Variants in CDK6 observed in about 807,000 individuals in gnomAD.
CDK6 encodes cyclin dependent kinase 6.
In CDK6, 6 loss-of-function variants were observed where a neutral mutation model predicts 37.1. The ratio of observed to expected loss-of-function variants is 0.16; its 90% CI spans 0.09 to 0.32. The LOEUF (loss-of-function observed/expected upper bound fraction) is 0.32, where lower values mean the gene tolerates loss of function less well. CDK6 is among the 10% of genes least tolerant of loss of function. CDK6 has a pLI of 1.00. For synonymous variants in CDK6, 160 were observed against 161.3 expected, an observed-to-expected ratio of 0.99 and a Z score of 0.06; for missense variants, 224 against 418.9, an observed-to-expected ratio of 0.53 and a Z score of 4.06.
At chr7:92,664,790 C>CTT in intron 5 of CDK6, among the ~76,000 whole-genome samples, 1 of 144,226 alleles carries the variant, frequency 6.9e-6, no homozygotes, top group South Asian at 2.2e-4. Flanking sequence ...TTTTTTCTTC[C>CTT]TTTTTTTTTT....
intron 4 of CDK6, among the ~76,000 whole-genome samples, chr7:92,719,628 G>A (rs1585426901): frequency 6.6e-6 from 1 of 152,170 alleles, no homozygotes; most frequent in South Asian, 2.1e-4. Flanking sequence ...ATGGTACAAA[G>A]AGGAATGTTT....
At chr7:92,740,137 G>C (rs944124807) in intron 3 of CDK6, among the ~76,000 whole-genome samples, 1 of 152,180 alleles carries the variant, frequency 6.6e-6, no homozygotes, top group Non-Finnish European at 1.5e-5. Context: ...GTAAAACTTA[G>C]ATTGTTACCT....
intron 3 of CDK6, among the ~76,000 whole-genome samples, chr7:92,764,859 A>AT (rs1393743494): frequency 3.3e-5 from 5 of 152,230 alleles, no homozygotes; most frequent in Non-Finnish European, 7.3e-5. Flanking sequence ...ACTATCTCAG[A>AT]TAACTGATGG....
In CDK6 at chr7:92,614,641, T is replaced by C. The variant is rs1056641534; in HGVS notation, c.*499A>G. On this transcript the variant is annotated 3_prime_UTR_variant, in exon 8 of 8. Coordinates refer to ENST00000424848, the MANE Select transcript of CDK6 (RefSeq NM_001145306.2). Reference sequence around the variant, plus strand: ...ACCACCTTGAGTCTTTAAAATTGAATTATTCTTGTCGTTTACAAAAAGTAA... The same window carrying C: ...ACCACCTTGAGTCTTTAAAATTGAACTATTCTTGTCGTTTACAAAAAGTAA... 6.0e-5 allele frequency: 14 copies of C among 234,236 alleles called. No individual in the cohort carries two copies. The highest frequency in any genetic ancestry group is 1.0e-4 in the Non-Finnish European group (12 of 118,676). The allele number at this position is 234,236 out of a possible 1,614,324, so 14.5% of individuals were successfully genotyped here.
intron 4 of CDK6, among the ~76,000 whole-genome samples, chr7:92,687,794 T>C (rs1006616911): frequency 7.9e-5 from 12 of 152,112 alleles, no homozygotes; most frequent in Non-Finnish European, 1.2e-4. Context: ...CCACAGAAGG[T>C]CCTCTTGTAT....
At chr7:92,643,674 G>A (rs1032866487) in intron 5 of CDK6, among the ~76,000 whole-genome samples, 2 of 152,076 alleles carry the variant, frequency 1.3e-5, no homozygotes, top group East Asian at 1.9e-4. Flanking sequence ...ACTCTTCAAG[G>A]GAGCTTTATG....
chr7:92,606,519 T>G lies in CDK6; in HGVS notation c.*8621A>C, dbSNP rs747997981. The G allele has an allele frequency of 1.4e-4, 32 of 233,330 alleles. No individual in the cohort carries two copies. The Middle Eastern group carries it at 3.8e-3, about 28-fold the overall frequency. The allele number at this position is 233,330 out of a possible 1,614,324, so 14.5% of individuals were successfully genotyped here. A position where few individuals can be genotyped will look rare whatever the true frequency, so the allele number is the denominator to read the frequency against. On this transcript the variant is annotated 3_prime_UTR_variant, in exon 8 of 8. Coordinates refer to ENST00000424848, the MANE Select transcript of CDK6 (RefSeq NM_001145306.2). ...GGACAGAGATGTAGAGGTGTGGGGA[T>G]GTTGGTCATCTTGGGCTGGTTCACA...
rs1262062250 is a variant in CDK6, at chr7:92,611,696, T to A, written c.*3444A>T. 3 of 229,304 alleles carry A rather than the reference T, an allele frequency of 1.3e-5. No individual in the cohort carries two copies. The East Asian group carries it at 1.9e-4, about 14-fold the overall frequency. 14.2% of individuals were successfully genotyped at this position (229,304 alleles called of 1,614,324 possible). A position where few individuals can be genotyped will look rare whatever the true frequency, so the allele number is the denominator to read the frequency against. ...TAGTACATTCTGGAGAGTCAAACTATACATTTCTCTATAGAAAAGAAACAT... is the reference window on the plus strand; with the variant it reads ...TAGTACATTCTGGAGAGTCAAACTAAACATTTCTCTATAGAAAAGAAACAT... On this transcript the variant is annotated 3_prime_UTR_variant, in exon 8 of 8. Coordinates refer to ENST00000424848, the MANE Select transcript of CDK6 (RefSeq NM_001145306.2).
At position 92,623,057 on chromosome 7, in the gene CDK6, T is replaced by C; in HGVS notation, c.677A>G (p.Asp226Gly). Residue 226 changes from aspartate to glycine, a missense_variant, in exon 6 of 8, where the codon GAT (aspartate) becomes GGT (glycine). Coordinates refer to ENST00000424848, the MANE Select transcript of CDK6 (RefSeq NM_001145306.2). Reference protein sequence around the residue: ...KPLFRGSSDVDQLGKILDVIG... With the variant: ...KPLFRGSSDVGQLGKILDVIG... ...TTACTCCAAGATTTTTCCTAGTTGA[T>C]CAACATCTGAACTTCCACGAAAAAG... 1 of 1,587,002 alleles carries C rather than the reference T, an allele frequency of 6.3e-7. No homozygotes were observed. Among genetic ancestry groups the C allele is most frequent in the South Asian group, 1.1e-5 (1 of 89,222 alleles).
At chr7:92,692,832 A>C (rs1432432539) in intron 4 of CDK6, among the ~76,000 whole-genome samples, 2 of 152,132 alleles carry the variant, frequency 1.3e-5, no homozygotes, top group Non-Finnish European at 2.9e-5. Flanking sequence ...TAGGAACACA[A>C]ATTCCTTGTG....
intron 4 of CDK6, among the ~76,000 whole-genome samples, chr7:92,687,375 CTA>C (rs1797482972): frequency 6.6e-6 from 1 of 152,166 alleles, no homozygotes; most frequent in South Asian, 2.1e-4. Context: ...CATTCAATGA[CTA>C]TTTGTTAAAT....
chr7:92,640,006 T>C (rs1796265118), intron 5 of CDK6, among the ~76,000 whole-genome samples: 1 of 152,196 alleles, frequency 6.6e-6, no homozygotes, highest in Non-Finnish European at 1.5e-5. Flanking sequence ...AAATATCTTC[T>C]TCTGGGTTCT....
intron 3 of CDK6, among the ~76,000 whole-genome samples, chr7:92,762,540 T>C (rs1799481791): frequency 1.3e-5 from 2 of 152,116 alleles, no homozygotes; most frequent in South Asian, 4.1e-4. Flanking sequence ...AACAAGTGTT[T>C]ATTCCATACT....
At chr7:92,759,557 G>T (rs1225057658) in intron 3 of CDK6, among the ~76,000 whole-genome samples, 2 of 151,672 alleles carry the variant, frequency 1.3e-5, no homozygotes, top group Non-Finnish European at 1.5e-5. Flanking sequence ...TCCAACAGGG[G>T]CATTACCAAA....
At chr7:92,646,605 C>A (rs1796457645) in intron 5 of CDK6, among the ~76,000 whole-genome samples, 1 of 151,938 alleles carries the variant, frequency 6.6e-6, no homozygotes, top group Non-Finnish European at 1.5e-5. Flanking sequence ...ACCATGTTGG[C>A]CAGGCTGGTC....
chr7:92,698,739 G>A (rs1256819443), intron 4 of CDK6, among the ~76,000 whole-genome samples: 1 of 152,132 alleles, frequency 6.6e-6, no homozygotes, highest in Non-Finnish European at 1.5e-5. Context: ...AGTCTGTCAC[G>A]CACAATCACT....
intron 2 of CDK6, among the ~76,000 whole-genome samples, chr7:92,827,105 G>A (rs1414689680): frequency 6.6e-6 from 1 of 152,018 alleles, no homozygotes; most frequent in Non-Finnish European, 1.5e-5. Flanking sequence ...TACAATCACA[G>A]AATAAAACTG....
chr7:92,697,514 A>G (rs1797747305), intron 4 of CDK6, among the ~76,000 whole-genome samples: 1 of 152,222 alleles, frequency 6.6e-6, no homozygotes, highest in African/African-American at 2.4e-5. Context: ...GTTAATAACT[A>G]CAGTAGTCCC....
At chr7:92,635,296 C>T (rs1157269446) in intron 5 of CDK6, among the ~76,000 whole-genome samples, 1 of 152,158 alleles carries the variant, frequency 6.6e-6, no homozygotes, top group Non-Finnish European at 1.5e-5. Flanking sequence ...GTAGGGATTT[C>T]TTCAGAACAA....
Sources: gnomAD v4.1 joint callset for allele counts (sites outside exome capture counted in the v4.1 genomes callset) on GRCh38, gnomAD v4.1.1 for gene constraint, MANE v1.5 for transcripts, NCBI Gene and HGNC (gene_info 2026-07-23, HGNC 2026-07-21) for gene names.